The following GALNT13 variants were observed in gnomAD, a reference collection of about 807,000 sequenced individuals.
The protein encoded by GALNT13 is polypeptide N-acetylgalactosaminyltransferase 13.
GALNT13 carries 28 observed loss-of-function variants against 64.2 expected under a neutral mutation model. That is an observed-to-expected ratio of 0.44 (90% CI 0.32 to 0.60). The LOEUF is 0.60. Among genes scored for constraint, GALNT13 ranks in the 20% least tolerant of loss-of-function variants. The pLI, the probability that GALNT13 is intolerant of heterozygous loss-of-function variation, is 0.05. For synonymous variants in GALNT13, 214 were observed against 224.6 expected, an observed-to-expected ratio of 0.95 and a Z score of 0.42; for missense variants, 577 against 669.8, an observed-to-expected ratio of 0.86 and a Z score of 1.53.
At chr2:153,814,072 AG>A in the GALNT13 span, among the ~76,000 whole-genome samples, 1 of 152,228 alleles carries the variant, frequency 6.6e-6, no homozygotes, top group African/African-American at 2.4e-5. Context: ...AGAGAGAACA[AG>A]AAAGTAGCAG....
chr2:154,178,747 G>A (rs4664726), intron 4 of GALNT13, among the ~76,000 whole-genome samples: 28,119 of 151,880 alleles, frequency 0.19, 3,516 homozygotes, highest in Admixed American at 0.31. Context: ...CCCTGTTGCC[G>A]GCATCATGGT....
the GALNT13 span, among the ~76,000 whole-genome samples, chr2:153,618,155 C>G: frequency 7.2e-5 from 11 of 151,776 alleles, no homozygotes; most frequent in East Asian, 1.2e-3. Flanking sequence ...GATGTAGGCT[C>G]TTATACCTAT....
chr2:153,541,566 C>T, the GALNT13 span, among the ~76,000 whole-genome samples: 2 of 152,168 alleles, frequency 1.3e-5, no homozygotes, highest in East Asian at 3.9e-4. Flanking sequence ...ATTACTCTAA[C>T]CTTCTCCCCT....
the GALNT13 span, among the ~76,000 whole-genome samples, chr2:153,736,857 C>T: frequency 1.3e-5 from 2 of 152,162 alleles, no homozygotes; most frequent in South Asian, 4.1e-4. Flanking sequence ...GCCACCACCA[C>T]CCACCCCTGC....
chr2:154,185,984 A>T (rs960980626), intron 4 of GALNT13, among the ~76,000 whole-genome samples: 1 of 152,082 alleles, frequency 6.6e-6, no homozygotes, highest in Non-Finnish European at 1.5e-5. Flanking sequence ...CAAATATAGC[A>T]TATTTCATAT....
the GALNT13 span, among the ~76,000 whole-genome samples, chr2:153,594,797 C>T: frequency 6.6e-6 from 1 of 152,082 alleles, no homozygotes; most frequent in African/African-American, 2.4e-5. Flanking sequence ...AAAATGTAAT[C>T]TTTCATTATC....
At chr2:154,097,343 T>C (rs527706663) in intron 3 of GALNT13, among the ~76,000 whole-genome samples, 1 of 152,142 alleles carries the variant, frequency 6.6e-6, no homozygotes, top group East Asian at 1.9e-4. Context: ...TCAGAAATGC[T>C]ATTACAGGTT....
intron 9 of GALNT13, among the ~76,000 whole-genome samples, chr2:154,349,321 G>A (rs917845517): frequency 6.6e-6 from 1 of 152,114 alleles, no homozygotes; most frequent in African/African-American, 2.4e-5. Context: ...TGTTTTAACT[G>A]GTTTACAAGA....
the GALNT13 span, among the ~76,000 whole-genome samples, chr2:153,683,855 C>T: frequency 6.6e-6 from 1 of 151,630 alleles, no homozygotes; most frequent in Non-Finnish European, 1.5e-5. Context: ...TTTGATATTT[C>T]CTAGGAACTT....
the GALNT13 span, among the ~76,000 whole-genome samples, chr2:153,590,642 A>G: frequency 6.6e-6 from 1 of 152,090 alleles, no homozygotes; most frequent in Admixed American, 6.5e-5. Flanking sequence ...AGTAAGTTTT[A>G]TACAGCAATG....
At chr2:154,028,969 A>G (rs1698162006) in intron 3 of GALNT13, among the ~76,000 whole-genome samples, 1 of 152,038 alleles carries the variant, frequency 6.6e-6, no homozygotes, top group South Asian at 2.1e-4. Context: ...AGACATGAGC[A>G]CTTGTTTTCC....
chr2:154,196,633 G>T (rs1686893843), intron 4 of GALNT13, among the ~76,000 whole-genome samples: 1 of 152,168 alleles, frequency 6.6e-6, no homozygotes, highest in Non-Finnish European at 1.5e-5. Context: ...AAGCGTAGGT[G>T]ATTCTAAAAG....
chr2:153,673,959 A>G, the GALNT13 span, among the ~76,000 whole-genome samples: 6 of 152,300 alleles, frequency 3.9e-5, no homozygotes, highest in East Asian at 9.7e-4. Context: ...CAATTACTAC[A>G]AAGAGAATAA....
the GALNT13 span, chr2:153,478,530 C>T: frequency 9.3e-6 from 15 of 1,605,516 alleles, no homozygotes; most frequent in Admixed American, 3.4e-5. Context: ...GGAACAGGCC[C>T]GCCACGTCCG....
chr2:154,211,629 C>CAAAAAAAAAAAAAAAAAAAAAAA (rs140095331), intron 4 of GALNT13, among the ~76,000 whole-genome samples: 2 of 37,946 alleles, frequency 5.3e-5, no homozygotes, highest in African/African-American at 1.1e-4. Flanking sequence ...ACTCCATCTC[C>CAAAAAAAAAAAAAAAAAAAAAAA]AAAAAAAAAA....
chr2:154,433,932 G>C (rs917671061), intron 11 of GALNT13, among the ~76,000 whole-genome samples: 1 of 152,164 alleles, frequency 6.6e-6, no homozygotes, highest in African/African-American at 2.4e-5. Flanking sequence ...TTAGAGATGA[G>C]TCTTTAAAGA....
intron 3 of GALNT13, among the ~76,000 whole-genome samples, chr2:154,022,152 G>A (rs1480388976): frequency 9.9e-5 from 15 of 152,108 alleles, no homozygotes; most frequent in Admixed American, 9.2e-4. Context: ...AAGGATATTG[G>A]TCTAAAATTC....
chr2:154,170,444 T>G (rs1685285739), intron 4 of GALNT13, among the ~76,000 whole-genome samples: 2 of 152,176 alleles, frequency 1.3e-5, no homozygotes, highest in African/African-American at 4.8e-5. Context: ...GCTATCCACG[T>G]TGTTTACAGT....
the GALNT13 span, among the ~76,000 whole-genome samples, chr2:153,436,481 TATTA>T: frequency 6.6e-6 from 1 of 152,186 alleles, no homozygotes; most frequent in South Asian, 2.1e-4. Flanking sequence ...GTTGGTAAGC[TATTA>T]ATTATTGCCT....
Sources: allele counts gnomAD v4.1 joint callset (sites outside exome capture counted in the v4.1 genomes callset), GRCh38; gene constraint gnomAD v4.1.1; transcripts MANE v1.5; gene names NCBI Gene and HGNC (gene_info 2026-07-23, HGNC 2026-07-21).